The following NPAS3 variants were observed in gnomAD, a reference collection of about 807,000 sequenced individuals.
NPAS3 encodes the protein neuronal PAS domain-containing protein 3.
A neutral mutation model predicts 73.1 loss-of-function variants in NPAS3; 14 were observed. The observed-to-expected ratio is 0.19, with a 90% CI of 0.13 to 0.30. NPAS3 has a LOEUF of 0.30. Among genes scored for constraint, NPAS3 ranks in the 10% least tolerant of loss-of-function variants. NPAS3 has a pLI of 1.00. For missense variants in NPAS3, 1,096 were observed against 1,250.0 expected (o/e 0.88, Z 1.86); for synonymous variants, 620 against 541.5 (o/e 1.14, Z -2.01).
intron 4 of NPAS3, among the ~76,000 whole-genome samples, chr14:33,414,144 G>A (rs2048049127): frequency 6.6e-6 from 1 of 152,056 alleles, no homozygotes; most frequent in Non-Finnish European, 1.5e-5. Flanking sequence ...GCAAATCAGA[G>A]CAAGCTTAAA....
intron 1 of NPAS3, among the ~76,000 whole-genome samples, chr14:32,948,426 A>C (rs903573958): frequency 9.9e-5 from 15 of 152,168 alleles, no homozygotes; most frequent in Non-Finnish European, 1.5e-4. Context: ...TGTAGCAGAC[A>C]TTAAAAATAA....
At chr14:33,026,198 C>T (rs1033085005) in intron 1 of NPAS3, among the ~76,000 whole-genome samples, 6 of 152,154 alleles carry the variant, frequency 3.9e-5, no homozygotes, top group African/African-American at 1.4e-4. Context: ...CGTGTCCTCC[C>T]ATAGCTAGTC....
chr14:33,607,384 A>G lies in NPAS3; in HGVS notation c.558+47174A>G, dbSNP rs114004386. 3.7e-3 allele frequency among the ~76,000 whole-genome samples: 553 copies of G among 148,852 alleles called. 4 individuals are homozygous for G. Among genetic ancestry groups the G allele is most frequent in the African/African-American group, 0.013 (535 of 40,102 alleles). On this transcript the variant is annotated intron_variant, in intron 5 of 11. Transcript: ENST00000356141. ...AACATAAATGAATCTCAAAACAATT[A>G]TTCTTGGTGAATTAAGCCAAACCAA... is the stretch of plus-strand genomic sequence containing the variant.
chr14:33,740,191 T>A (rs2140681353), intron 7 of NPAS3, among the ~76,000 whole-genome samples: 1 of 152,324 alleles, frequency 6.6e-6, no homozygotes, highest in East Asian at 1.9e-4. Flanking sequence ...TAATATCATC[T>A]GAACTTCACA....
At chr14:33,127,896 A>T (rs562646468) in intron 2 of NPAS3, among the ~76,000 whole-genome samples, 3 of 152,228 alleles carry the variant, frequency 2.0e-5, no homozygotes, top group African/African-American at 7.2e-5. Flanking sequence ...ATAAATAGGC[A>T]ATTTGCATCA....
chr14:33,538,154 G>T (rs555652304), intron 4 of NPAS3, among the ~76,000 whole-genome samples: 1 of 152,146 alleles, frequency 6.6e-6, no homozygotes, highest in East Asian at 1.9e-4. Context: ...TACTGTCATG[G>T]GTGTTAACTG....
intron 1 of NPAS3, among the ~76,000 whole-genome samples, chr14:33,041,403 G>A (rs192086821): frequency 3.3e-5 from 5 of 152,260 alleles, no homozygotes; most frequent in East Asian, 1.9e-4. Flanking sequence ...GAAATTTTGC[G>A]ATGATGACAA....
chr14:33,577,442 AG>A (rs1409434218), intron 5 of NPAS3, among the ~76,000 whole-genome samples: 1 of 152,114 alleles, frequency 6.6e-6, no homozygotes, highest in African/African-American at 2.4e-5. Context: ...GTCTATAAAG[AG>A]GGGGGAGGTT....
intron 4 of NPAS3, among the ~76,000 whole-genome samples, chr14:33,462,108 C>T (rs1344267759): frequency 1.3e-5 from 2 of 152,168 alleles, no homozygotes; most frequent in Non-Finnish European, 2.9e-5. Context: ...ACCATCATTA[C>T]AGGAAGTTAG....
At chr14:33,668,878 C>T (rs868101678) in intron 5 of NPAS3, among the ~76,000 whole-genome samples, 18 of 152,112 alleles carry the variant, frequency 1.2e-4, no homozygotes, top group African/African-American at 4.3e-4. Context: ...ATCTTACAAG[C>T]ATTTTCCACT....
In NPAS3 at chr14:33,124,330, G is replaced by A. The variant is rs140330079; in HGVS notation, c.140+68336G>A. Among the ~76,000 whole-genome samples, 559 of 152,226 alleles carry A rather than the reference G, an allele frequency of 3.7e-3. 2 individuals are homozygous for A. Among genetic ancestry groups the A allele is most frequent in the African/African-American group, 0.012 (508 of 41,550 alleles). ...TTTTCCTCTGCATTGTAGAGGCAGC[G>A]TAGCATAACAGGTAAGGGAAGGCAG... On this transcript the variant is annotated intron_variant, in intron 2 of 11. Coordinates refer to ENST00000356141, the Ensembl canonical transcript of NPAS3.
At chr14:33,392,560 A>G (rs2047053158) in intron 4 of NPAS3, among the ~76,000 whole-genome samples, 1 of 152,220 alleles carries the variant, frequency 6.6e-6, no homozygotes, top group Admixed American at 6.5e-5. Flanking sequence ...GTAGGAATTT[A>G]TCAACATAAG....
At chr14:33,604,707 TAAAGTACATCTTAATGAATTTTA>T (rs1448145450) in intron 5 of NPAS3, among the ~76,000 whole-genome samples, 1 of 152,114 alleles carries the variant, frequency 6.6e-6, no homozygotes, top group African/African-American at 2.4e-5. Context: ...TTCTGAGCCA[TAAAGTACATCTTAATGAATTTTA>T]AAAGGTTTAA....
chr14:33,185,065 A>G (rs968541101), intron 2 of NPAS3, among the ~76,000 whole-genome samples: 2 of 152,194 alleles, frequency 1.3e-5, no homozygotes, highest in Non-Finnish European at 2.9e-5. Context: ...GGGGTGATCC[A>G]ATCCTCTCCA....
At chr14:33,204,894 G>A (rs6571589) in intron 2 of NPAS3, among the ~76,000 whole-genome samples, 46,774 of 151,850 alleles carry the variant, frequency 0.31, 7,713 homozygotes, top group South Asian at 0.41. Flanking sequence ...TAGGGAAAGG[G>A]TGGCATTTGA....
At chr14:33,196,685 C>T (rs2046367538) in intron 2 of NPAS3, among the ~76,000 whole-genome samples, 2 of 152,166 alleles carry the variant, frequency 1.3e-5, no homozygotes, top group South Asian at 4.1e-4. Flanking sequence ...TTATTCCTGC[C>T]TTTCATGTAC....
At chr14:33,319,402 C>T (rs572190692) in intron 3 of NPAS3, among the ~76,000 whole-genome samples, 137 of 152,160 alleles carry the variant, frequency 9.0e-4, no homozygotes, top group Non-Finnish European at 1.6e-3. Flanking sequence ...TTTAAAACTA[C>T]AATTAAAATG....
At chr14:33,201,390 T>G (rs983995610) in intron 2 of NPAS3, among the ~76,000 whole-genome samples, 4 of 152,084 alleles carry the variant, frequency 2.6e-5, no homozygotes, top group African/African-American at 9.7e-5. Context: ...GGTGGCTCAT[T>G]GAAGTCCACA....
At chr14:33,027,426 G>T (rs940102915) in intron 1 of NPAS3, among the ~76,000 whole-genome samples, 4 of 151,800 alleles carry the variant, frequency 2.6e-5, no homozygotes, top group Non-Finnish European at 4.4e-5. Flanking sequence ...AATATATATT[G>T]GTATAATGAG....
Sources: gnomAD v4.1 joint callset for allele counts (sites outside exome capture counted in the v4.1 genomes callset) on GRCh38, gnomAD v4.1.1 for gene constraint, MANE v1.5 for transcripts, NCBI Gene and HGNC (gene_info 2026-07-23, HGNC 2026-07-21) for gene names.